The following DLG2 variants were observed in gnomAD, a reference collection of about 807,000 sequenced individuals.
The protein encoded by DLG2 is discs large MAGUK scaffold protein 2, also known as disks large homolog 2.
A neutral mutation model predicts 132.5 loss-of-function variants in DLG2; 45 were observed. The ratio of observed to expected loss-of-function variants is 0.34; its 90% CI spans 0.27 to 0.44. The LOEUF (loss-of-function observed/expected upper bound fraction) is 0.44, where lower values mean the gene tolerates loss of function less well. Ranked by LOEUF, DLG2 falls within the 20% of genes least tolerant of loss-of-function variation. The pLI, the probability that DLG2 is intolerant of heterozygous loss-of-function variation, is 1.00. For missense variants in DLG2, 1,045 were observed against 1,196.9 expected (o/e 0.87, Z 1.87); for synonymous variants, 424 against 419.6 (o/e 1.01, Z -0.13).
intron 2 of DLG2, among the ~76,000 whole-genome samples, chr11:85,602,507 C>G (rs1472413734): frequency 1.3e-5 from 2 of 152,174 alleles, no homozygotes; most frequent in East Asian, 3.8e-4. Context: ...CACATTTCAG[C>G]ATCAGCCTCC....
chr11:84,708,093 A>G (rs1366010551), intron 6 of DLG2, among the ~76,000 whole-genome samples: 1 of 151,786 alleles, frequency 6.6e-6, no homozygotes, highest in East Asian at 1.9e-4. Flanking sequence ...CATCTAGTCT[A>G]GCCCCCAAAT....
chr11:84,075,904 T>TAATGGTTGAACTGGTATTTGCA (rs2154149577), intron 10 of DLG2, among the ~76,000 whole-genome samples: 1 of 152,314 alleles, frequency 6.6e-6, no homozygotes, highest in East Asian at 1.9e-4. Flanking sequence ...CTCCCTGACT[T>TAATGGTTGAACTGGTATTTGCA]AATGGTTGAA....
chr11:85,608,051 C>T (rs2080717466), intron 2 of DLG2, among the ~76,000 whole-genome samples: 1 of 152,168 alleles, frequency 6.6e-6, no homozygotes, highest in Non-Finnish European at 1.5e-5. Flanking sequence ...GTAAGGGCCA[C>T]TAAATCCGAC....
intron 8 of DLG2, among the ~76,000 whole-genome samples, chr11:84,214,602 T>G (rs1199180739): frequency 1.3e-5 from 2 of 152,098 alleles, no homozygotes; most frequent in Non-Finnish European, 2.9e-5. Context: ...TTAGCCAGAT[T>G]GCACTCTCAG....
At chr11:85,115,465 T>G (rs1351714212) in intron 5 of DLG2, among the ~76,000 whole-genome samples, 1 of 151,954 alleles carries the variant, frequency 6.6e-6, no homozygotes, top group Non-Finnish European at 1.5e-5. Flanking sequence ...AAAGATAAAC[T>G]AATAAAGCTG....
chr11:84,073,797 G>C (rs1010381948), intron 10 of DLG2, among the ~76,000 whole-genome samples: 8 of 152,124 alleles, frequency 5.3e-5, no homozygotes, highest in African/African-American at 1.7e-4. Context: ...CTGTAATGTT[G>C]CTTCTTATTT....
At chr11:85,407,716 G>A (rs564439047) in intron 3 of DLG2, among the ~76,000 whole-genome samples, 2 of 151,862 alleles carry the variant, frequency 1.3e-5, no homozygotes, top group African/African-American at 2.4e-5. Flanking sequence ...GAAAAACTCT[G>A]GGAAAGAGAC....
At chr11:84,186,446 A>G (rs1020686058) in intron 8 of DLG2, among the ~76,000 whole-genome samples, 4 of 151,992 alleles carry the variant, frequency 2.6e-5, no homozygotes, top group African/African-American at 9.7e-5. Flanking sequence ...GAGTCTTCCC[A>G]AAGACAAAGT....
At chr11:84,802,197 A>G (rs957401350) in intron 6 of DLG2, among the ~76,000 whole-genome samples, 1 of 152,052 alleles carries the variant, frequency 6.6e-6, no homozygotes, top group East Asian at 1.9e-4. Context: ...TAATTGTGCA[A>G]TTTAACTGCA....
At chr11:84,820,060 T>C (rs1348160506) in intron 6 of DLG2, among the ~76,000 whole-genome samples, 1 of 150,400 alleles carries the variant, frequency 6.6e-6, no homozygotes, top group African/African-American at 2.4e-5. Context: ...CCTCTTCTCA[T>C]TGTGGATTTA....
At chr11:85,580,590 A>G (rs912023077) in intron 3 of DLG2, among the ~76,000 whole-genome samples, 2 of 152,240 alleles carry the variant, frequency 1.3e-5, no homozygotes, top group African/African-American at 2.4e-5. Context: ...CCTGACAGCA[A>G]TCTTATTAGG....
At chr11:83,893,420 A>G (rs940612732) in intron 15 of DLG2, among the ~76,000 whole-genome samples, 22 of 152,160 alleles carry the variant, frequency 1.4e-4, no homozygotes, top group African/African-American at 4.8e-4. Flanking sequence ...TAACCTAGCC[A>G]TGCTGGCCTT....
chr11:85,356,216 T>C (rs1042802005), intron 3 of DLG2, among the ~76,000 whole-genome samples: 10 of 152,358 alleles, frequency 6.6e-5, no homozygotes, highest in Non-Finnish European at 1.2e-4. Flanking sequence ...TCAGCTGCTA[T>C]AGCTCATAGT....
intron 3 of DLG2, among the ~76,000 whole-genome samples, chr11:85,554,592 C>T (rs185692546): frequency 4.0e-5 from 6 of 151,870 alleles, no homozygotes; most frequent in Non-Finnish European, 5.9e-5. Flanking sequence ...AGACAACAGT[C>T]CCTCCCTAAA....
chr11:83,576,079 CT>C (rs2096869102), intron 19 of DLG2, among the ~76,000 whole-genome samples: 1 of 152,028 alleles, frequency 6.6e-6, no homozygotes, highest in Admixed American at 6.6e-5. Context: ...CCAAATTAAA[CT>C]TGTAGGCATA....
chr11:84,408,581 T>TAGA (rs1170869879), intron 7 of DLG2, among the ~76,000 whole-genome samples: 9 of 152,174 alleles, frequency 5.9e-5, no homozygotes, highest in Non-Finnish European at 5.9e-5. Context: ...CAAATAATTA[T>TAGA]AATTCAAGGT....
chr11:83,670,270 G>A (rs1258473879), intron 18 of DLG2, among the ~76,000 whole-genome samples: 1 of 152,108 alleles, frequency 6.6e-6, no homozygotes, highest in Non-Finnish European at 1.5e-5. Flanking sequence ...GTGGATGCTT[G>A]TGGTGGTAGG....
intron 7 of DLG2, among the ~76,000 whole-genome samples, chr11:84,357,876 A>G (rs935325202): frequency 2.8e-4 from 43 of 151,908 alleles, no homozygotes; most frequent in African/African-American, 1.0e-3. Flanking sequence ...AGAGTCTCAA[A>G]TTTCTTAATG....
intron 15 of DLG2, among the ~76,000 whole-genome samples, chr11:83,897,870 C>G (rs949293793): frequency 2.0e-5 from 3 of 152,140 alleles, no homozygotes; most frequent in Admixed American, 1.3e-4. Context: ...TTGTTAATTG[C>G]TTTATACACA....
Sources: gnomAD v4.1 joint callset for allele counts (sites outside exome capture counted in the v4.1 genomes callset) on GRCh38, gnomAD v4.1.1 for gene constraint, MANE v1.5 for transcripts, NCBI Gene and HGNC (gene_info 2026-07-23, HGNC 2026-07-21) for gene names.